The following TMEM38A variants were observed in gnomAD, a reference collection of about 807,000 sequenced individuals.
TMEM38A encodes the protein trimeric intracellular cation channel type A.
A neutral mutation model predicts 28.6 loss-of-function variants in TMEM38A; 17 were observed. The ratio of observed to expected loss-of-function variants is 0.60; its 90% CI spans 0.41 to 0.89. TMEM38A has a LOEUF of 0.89. Ranked by LOEUF, TMEM38A falls within the 40% of genes least tolerant of loss-of-function variation. The pLI is 0.00. For missense variants in TMEM38A, 328 were observed against 393.1 expected, an observed-to-expected ratio of 0.83 and a Z score of 1.40; for synonymous variants, 169 against 166.1, an observed-to-expected ratio of 1.02 and a Z score of -0.14.
In TMEM38A at chr19:16,688,470, T is replaced by C; in HGVS notation, c.*99T>C. On this transcript the variant is annotated 3_prime_UTR_variant, in exon 6 of 6. Coordinates refer to ENST00000187762, the MANE Select transcript of TMEM38A (RefSeq NM_024074.4). ...GATCTATCCTTTCCTGGCCTTGACTTCCCCATCTGCAAATCAGGGTCATTG... is the reference window on the plus strand; with the variant it reads ...GATCTATCCTTTCCTGGCCTTGACTCCCCCATCTGCAAATCAGGGTCATTG... 1 of 984,380 alleles carries C rather than the reference T, an allele frequency of 1.0e-6. No homozygotes were observed. Among genetic ancestry groups the C allele is most frequent in the Non-Finnish European group, 1.4e-6 (1 of 726,274 alleles). The allele number at this position is 984,380 out of a possible 1,614,324, so 61.0% of individuals were successfully genotyped here. A position where few individuals can be genotyped will look rare whatever the true frequency, so the allele number is the denominator to read the frequency against.
intron 3 of TMEM38A, 51 bp downstream of exon 3, chr19:16,680,632 T>C (rs901792): frequency 0.23 from 366,371 of 1,584,138 alleles, 58,031 homozygotes; most frequent in African/African-American, 0.81. Flanking sequence ...AACTTTTGGT[T>C]CAGTGGTACT....
At chr19:16,666,842 A>G (rs1319120667) in intron 1 of TMEM38A, among the ~76,000 whole-genome samples, 3 of 151,310 alleles carry the variant, frequency 2.0e-5, no homozygotes, top group Non-Finnish European at 2.9e-5. Flanking sequence ...AATCCCAGCT[A>G]CTTGGGTGGC....
chr19:16,675,658 C>G (rs2086747665), intron 1 of TMEM38A, among the ~76,000 whole-genome samples: 1 of 151,476 alleles, frequency 6.6e-6, no homozygotes, highest in Admixed American at 6.6e-5. Context: ...AAGCGATTCT[C>G]CTACCTCTGC....
At chr19:16,685,375 G>A (rs949539427) in intron 4 of TMEM38A, among the ~76,000 whole-genome samples, 9 of 152,128 alleles carry the variant, frequency 5.9e-5, no homozygotes, top group Non-Finnish European at 1.3e-4. Context: ...GACAGAATGA[G>A]ACTCTGACTC....
At chr19:16,678,229 G>A (rs192197022) in intron 1 of TMEM38A, among the ~76,000 whole-genome samples, 16 of 152,246 alleles carry the variant, frequency 1.1e-4, no homozygotes, top group Non-Finnish European at 1.8e-4. Context: ...AAGAGATTGA[G>A]ACTATCCTGG....
rs968707588 is a variant in TMEM38A at position 16,671,837 on chromosome 19, C to T, written c.125-8147C>T. On this transcript the variant is annotated intron_variant, in intron 1 of 5. Coordinates refer to ENST00000187762, the MANE Select transcript of TMEM38A (RefSeq NM_024074.4). ...GGTCCCTACCCCCACTCCCCAACCT[C>T]GGTCCCTGGGATGATCCCAGAGGGC... Among the ~76,000 whole-genome samples the T allele has an allele frequency of 3.3e-5, 5 of 152,238 alleles. No homozygotes were observed. In the South Asian group the frequency reaches 1.0e-3, roughly 32 times the overall value.
Position 16,686,481 on chromosome 19 carries a change from A to G in TMEM38A, c.672+76A>G, listed in dbSNP as rs1568317554. The G allele has an allele frequency of 2.5e-6, 3 of 1,202,922 alleles. No individual in the cohort carries two copies. In the East Asian group the frequency reaches 7.3e-5, roughly 29 times the overall value. 74.5% of individuals were successfully genotyped at this position (1,202,922 alleles called of 1,614,324 possible). A position where few individuals can be genotyped will look rare whatever the true frequency, so the allele number is the denominator to read the frequency against. ...CCACCTCCAGGTTGGGAGTGGGGAA[A>G]TTGGACACTCCCAGCCTTATGTGGC... On this transcript the variant is annotated intron_variant, in intron 5 of 5. Coordinates refer to ENST00000187762, the MANE Select transcript of TMEM38A (RefSeq NM_024074.4).
rs756875037 is a variant in TMEM38A at position 16,661,286 on chromosome 19, C to G, written c.69C>G (p.Pro23=). Residue 23 remains proline (P), a synonymous_variant, in exon 1 of 6, where the codon CCC becomes CCG. Coordinates refer to ENST00000187762, the MANE Select transcript of TMEM38A (RefSeq NM_024074.4). This position sits in a 1 kb window ranked among gnomAD's most constrained non-coding sequence, Gnocchi z 6.5. ...ALSFSRVPLF[P]VFDLSYFIVS... is the part of the protein sequence containing the mutation. ...GCTTCTCGCGGGTGCCGCTCTTCCC[C>G]GTCTTCGACCTCAGTTACTTCATCG... The G allele has an allele frequency of 1.6e-5, 26 of 1,599,562 alleles. No individual in the cohort carries two copies. The highest frequency in any genetic ancestry group is 1.2e-4 in the South Asian group (11 of 89,304).
intron 1 of TMEM38A, among the ~76,000 whole-genome samples, chr19:16,677,952 C>T (rs562447793): frequency 2.0e-5 from 3 of 152,190 alleles, no homozygotes; most frequent in South Asian, 2.1e-4. Context: ...TGTATGGTTT[C>T]GCTTACATGA....
intron 1 of TMEM38A, among the ~76,000 whole-genome samples, chr19:16,666,966 A>AG (rs60060441): frequency 2.0e-5 from 3 of 150,328 alleles, no homozygotes; most frequent in African/African-American, 4.9e-5. Context: ...AAAAAAAAAA[A>AG]GAAAAGAAAT....
intron 1 of TMEM38A, among the ~76,000 whole-genome samples, chr19:16,666,562 C>T (rs79684483): frequency 5.9e-5 from 9 of 151,920 alleles, no homozygotes; most frequent in African/African-American, 9.7e-5. Context: ...CCATGAGCAA[C>T]TGTGCCTGGC....
chr19:16,664,403 C>A lies in TMEM38A; in HGVS notation c.124+3062C>A, dbSNP rs142764975. The stretch of plus-strand genomic sequence containing the variant: ...CTGCACTCCAGCCTGGGTGACAGAG[C>A]CTGGCTGAGACTCTGTCTTGGAAAA... On this transcript the variant is annotated intron_variant, in intron 1 of 5. Transcript: ENST00000187762. Among the ~76,000 whole-genome samples the A allele has an allele frequency of 4.9e-3, 747 of 151,998 alleles. 5 individuals carry two copies. Among genetic ancestry groups the A allele is most frequent in the African/African-American group, 0.016 (679 of 41,440 alleles).
intron 5 of TMEM38A, 23 bp downstream of exon 5, chr19:16,686,428 C>T (rs780549371): frequency 1.5e-5 from 24 of 1,596,906 alleles, no homozygotes; most frequent in Admixed American, 8.3e-5. Flanking sequence ...CTTCTTGCAG[C>T]ATTCTTGCCT....
rs911920747 is a variant in TMEM38A at position 16,661,155 on chromosome 19, G to T, written c.-63G>T. 9.2e-7 allele frequency: 1 copy of T among 1,081,638 alleles called. No homozygotes were observed. Among genetic ancestry groups the T allele is most frequent in the Non-Finnish European group, 1.1e-6 (1 of 889,462 alleles). The allele number at this position is 1,081,638 out of a possible 1,614,324, so 67.0% of individuals were successfully genotyped here. Reference sequence around the variant, plus strand: ...TGCGGGGGCGCAGTCGCCGGGCCGCGGGCGGCGGGACGGACGAGGCCGGGG... The same window carrying T: ...TGCGGGGGCGCAGTCGCCGGGCCGCTGGCGGCGGGACGGACGAGGCCGGGG... On this transcript the variant is annotated 5_prime_UTR_variant, in exon 1 of 6. Coordinates refer to ENST00000187762, the MANE Select transcript of TMEM38A (RefSeq NM_024074.4). This position sits in a 1 kb window ranked among gnomAD's most constrained non-coding sequence, Gnocchi z 6.5.
intron 1 of TMEM38A, among the ~76,000 whole-genome samples, chr19:16,670,604 T>C (rs1401830874): frequency 1.3e-5 from 2 of 152,124 alleles, no homozygotes; most frequent in Non-Finnish European, 2.9e-5. Flanking sequence ...ATAGATCTGG[T>C]GTGGTCACCT....
intron 1 of TMEM38A, among the ~76,000 whole-genome samples, chr19:16,679,166 TAA>T (rs746884921): frequency 8.3e-4 from 61 of 73,804 alleles, no homozygotes; most frequent in Non-Finnish European, 1.1e-3. Flanking sequence ...CAAAAAAAGT[TAA>T]AAAAAAAAAA....
intron 1 of TMEM38A, among the ~76,000 whole-genome samples, chr19:16,671,201 C>CTTTTTGTTTTTTT (rs2086725894): frequency 1.2e-5 from 1 of 84,848 alleles, no homozygotes; most frequent in African/African-American, 6.6e-5. Flanking sequence ...AGGACCTGGG[C>CTTTTTGTTTTTTT]TTTTTTTTTT....
At chr19:16,681,771 A>G (rs552233446) in intron 3 of TMEM38A, among the ~76,000 whole-genome samples, 3 of 152,308 alleles carry the variant, frequency 2.0e-5, no homozygotes, top group African/African-American at 7.2e-5. Flanking sequence ...GTGTTTCTCA[A>G]CATTGCCAGA....
At chr19:16,686,536 C>G in intron 5 of TMEM38A, 131 bp downstream of exon 5, 1 of 699,696 alleles carries the variant, frequency 1.4e-6, no homozygotes, top group South Asian at 1.6e-5. Context: ...AGGGGAGATG[C>G]TTGCCAGTAG....
Sources: gnomAD v4.1 joint callset for allele counts (sites outside exome capture counted in the v4.1 genomes callset) on GRCh38, gnomAD v4.1.1 for gene constraint, Gnocchi (gnomAD v3.1) non-coding constraint, MANE v1.5 for transcripts, NCBI Gene and HGNC (gene_info 2026-07-23, HGNC 2026-07-21) for gene names.